The following PYY variants were observed in gnomAD, a reference collection of about 807,000 sequenced individuals.
PYY encodes peptide YY, also known as peptide tyrosine tyrosine.
Under a neutral mutation model 10.3 loss-of-function variants are expected in PYY, and 12 were observed. The observed-to-expected ratio is 1.17, with a 90% CI of 0.75 to 1.89. The LOEUF (loss-of-function observed/expected upper bound fraction) is 1.89. PYY is among the 40% of genes most tolerant of loss of function. The pLI, the probability that PYY is intolerant of heterozygous loss-of-function variation, is 0.00. For missense variants in PYY, 141 were observed against 134.0 expected, an observed-to-expected ratio of 1.05 and a Z score of -0.26; for synonymous variants, 66 against 62.0, an observed-to-expected ratio of 1.06 and a Z score of -0.30.
At position 43,952,794 on chromosome 17, in the gene PYY, C is replaced by T. The variant is rs185287225; in HGVS notation, c.*162G>A. 135 of 713,160 alleles carry T rather than the reference C, an allele frequency of 1.9e-4. No homozygotes were observed. The African/African-American group carries it at 2.2e-3, about 12-fold the overall frequency. The allele number at this position is 713,160 out of a possible 1,614,324, so 44.2% of individuals were successfully genotyped here. A position where few individuals can be genotyped will look rare whatever the true frequency, so the allele number is the denominator to read the frequency against. ...CAGGGAAGGACCACACACAGCCCTC[C>T]AGCCCAGGGGGCGGGGGCACCGAGA... is the stretch of plus-strand genomic sequence containing the variant. On this transcript the variant is annotated 3_prime_UTR_variant, in exon 4 of 4. Coordinates refer to ENST00000692052, the MANE Select transcript of PYY (RefSeq NM_001394028.1).
chr17:43,968,302 A>G (rs941832003), intron 1 of PYY, among the ~76,000 whole-genome samples: 1 of 152,216 alleles, frequency 6.6e-6, no homozygotes, highest in African/African-American at 2.4e-5. Flanking sequence ...GAACACGGAC[A>G]CAATCATAGG....
At chr17:43,995,752 T>C (rs1472791100) in intron 1 of PYY, among the ~76,000 whole-genome samples, 1 of 149,468 alleles carries the variant, frequency 6.7e-6, no homozygotes, top group Non-Finnish European at 1.5e-5. Context: ...GAGGATTGCT[T>C]GAACCCAGGA....
At chr17:43,990,715 A>T (rs2143954310) in intron 1 of PYY, among the ~76,000 whole-genome samples, 1 of 152,068 alleles carries the variant, frequency 6.6e-6, no homozygotes, top group African/African-American at 2.4e-5. Context: ...ATTATGAAAC[A>T]TTCCTACAAT....
upstream of PYY, among the ~76,000 whole-genome samples, chr17:43,954,772 C>T (rs1225820285): frequency 2.6e-5 from 4 of 152,222 alleles, no homozygotes; most frequent in Non-Finnish European, 4.4e-5. Context: ...GCTTCCCAGG[C>T]ACATGCCACT....
In PYY at chr17:43,952,868, A is replaced by G. The variant is rs1201945946; in HGVS notation, c.*88T>C. The G allele has an allele frequency of 2.2e-6, 3 of 1,380,064 alleles. No individual in the cohort carries two copies. The highest frequency in any genetic ancestry group is 1.9e-4 in the Middle Eastern group (1 of 5,336). The allele number at this position is 1,380,064 out of a possible 1,614,324, so 85.5% of individuals were successfully genotyped here. ...ACCCTGCCCAGACGCCGCCGTCGGG[A>G]GGCAGAATCCGGGTTTCTGGGGTCG... On this transcript the variant is annotated 3_prime_UTR_variant, in exon 4 of 4. Coordinates refer to ENST00000692052, the MANE Select transcript of PYY (RefSeq NM_001394028.1).
chr17:44,001,867 T>C (rs1047273144), intron 1 of PYY, among the ~76,000 whole-genome samples: 10 of 152,074 alleles, frequency 6.6e-5, no homozygotes, highest in African/African-American at 2.4e-4. Flanking sequence ...TCAGCAGGGG[T>C]GGCCTGCTGT....
chr17:43,968,678 A>T (rs2048769784), intron 1 of PYY, among the ~76,000 whole-genome samples: 1 of 152,014 alleles, frequency 6.6e-6, no homozygotes, highest in Non-Finnish European at 1.5e-5. Context: ...CAGGTGTGGT[A>T]GTGTGCACCT....
intron 1 of PYY, among the ~76,000 whole-genome samples, chr17:43,989,518 C>T (rs1300446696): frequency 2.0e-5 from 3 of 152,134 alleles, no homozygotes; most frequent in Admixed American, 6.5e-5. Flanking sequence ...AGTTTCTCCA[C>T]ATCCTCACAA....
chr17:43,975,149 C>T (rs2048820339), intron 1 of PYY, among the ~76,000 whole-genome samples: 1 of 152,144 alleles, frequency 6.6e-6, no homozygotes, highest in Non-Finnish European at 1.5e-5. Flanking sequence ...CTCCTATCCC[C>T]GACCAAATAA....
At position 43,987,919 on chromosome 17, in the gene PYY, G is replaced by A. The variant is rs1038820651; in HGVS notation, c.-463+16472C>T. Among the ~76,000 whole-genome samples, 9 of 152,146 alleles carry A rather than the reference G, an allele frequency of 5.9e-5. No homozygotes were observed. The South Asian group carries it at 1.7e-3, about 28-fold the overall frequency. On this transcript the variant is annotated intron_variant, in intron 1 of 6. Transcript: ENST00000360085. The surrounding 1 kb of genome is among the most constrained non-coding windows in gnomAD (Gnocchi z 4.0). ...AGGGGCAGAGAGCGGTGGGACATAT[G>A]CCTCCATCTGTCCTGTCCAGTCCCC... is the stretch of plus-strand genomic sequence containing the variant.
chr17:43,997,494 C>T (rs2048999101), intron 1 of PYY, among the ~76,000 whole-genome samples: 1 of 152,128 alleles, frequency 6.6e-6, no homozygotes, highest in Admixed American at 6.6e-5. Flanking sequence ...TGAAGAGGTC[C>T]TCATGGCTGG....
At chr17:43,996,983 G>C (rs576921508) in intron 1 of PYY, among the ~76,000 whole-genome samples, 1 of 151,698 alleles carries the variant, frequency 6.6e-6, no homozygotes, top group African/African-American at 2.4e-5. Context: ...GCCACTGCAC[G>C]TGGCCTAATT....
chr17:43,952,925 T>C lies in PYY; in HGVS notation c.*31A>G. 1 of 1,532,450 alleles carries C rather than the reference T, an allele frequency of 6.5e-7. No homozygotes were observed. The highest frequency in any genetic ancestry group is 1.3e-5 in the South Asian group (1 of 79,134). 94.9% of individuals were successfully genotyped at this position (1,532,450 alleles called of 1,614,324 possible). On this transcript the variant is annotated 3_prime_UTR_variant, in exon 4 of 4. Coordinates refer to ENST00000692052, the MANE Select transcript of PYY (RefSeq NM_001394028.1). ...CGTATGCAAATGACGTGGGCGTGGTTGGCAGATCTCCCAGGAGGCCTCAGG... is the reference window on the plus strand; with the variant it reads ...CGTATGCAAATGACGTGGGCGTGGTCGGCAGATCTCCCAGGAGGCCTCAGG...
chr17:43,965,870 C>T (rs368452650), intron 2 of PYY, among the ~76,000 whole-genome samples: 3 of 109,794 alleles, frequency 2.7e-5, no homozygotes, highest in African/African-American at 6.7e-5. Flanking sequence ...AAGTACAAAA[C>T]AAAAAATGAT....
At chr17:43,963,574 G>GAAAGAAAGAA (rs1555617080) in intron 2 of PYY, among the ~76,000 whole-genome samples, 20 of 51,338 alleles carry the variant, frequency 3.9e-4, no homozygotes, top group African/African-American at 1.1e-3. Flanking sequence ...GGAAGGAAAA[G>GAAAGAAAGAA]AAAGAAAGAA....
upstream of PYY, among the ~76,000 whole-genome samples, chr17:43,956,314 G>C (rs933850589): frequency 1.3e-5 from 2 of 152,090 alleles, no homozygotes; most frequent in Admixed American, 6.6e-5. Context: ...CCCAATTACA[G>C]GGCAAGCTGA....
At chr17:43,971,783 C>G (rs1484136732) in intron 1 of PYY, among the ~76,000 whole-genome samples, 1 of 151,104 alleles carries the variant, frequency 6.6e-6, no homozygotes, top group African/African-American at 2.4e-5. Flanking sequence ...TGATTTGCAA[C>G]TATTTTCTTT....
chr17:43,961,905 A>G (rs2048715144), intron 2 of PYY, among the ~76,000 whole-genome samples: 1 of 151,940 alleles, frequency 6.6e-6, no homozygotes, highest in South Asian at 2.1e-4. Flanking sequence ...CTCTTACCAC[A>G]TTGAAAGTGG....
At chr17:43,979,054 C>A (rs1353810895) in intron 1 of PYY, among the ~76,000 whole-genome samples, 5 of 152,128 alleles carry the variant, frequency 3.3e-5, no homozygotes, top group Non-Finnish European at 7.4e-5. Flanking sequence ...CCTTAGGGAG[C>A]CAAAGTGAAA....
Sources: allele counts gnomAD v4.1 joint callset (sites outside exome capture counted in the v4.1 genomes callset), GRCh38; gene constraint gnomAD v4.1.1; non-coding constraint Gnocchi (gnomAD v3.1); transcripts MANE v1.5; gene names NCBI Gene and HGNC (gene_info 2026-07-23, HGNC 2026-07-21).